Variants in CNTN5 observed in about 807,000 individuals in gnomAD.
CNTN5 encodes the protein contactin-5.
In CNTN5, 77 loss-of-function variants were observed where a neutral mutation model predicts 129.1. That is an observed-to-expected ratio of 0.60 (90% CI 0.50 to 0.72). CNTN5 has a LOEUF of 0.72. Among genes scored for constraint, CNTN5 ranks in the 30% least tolerant of loss-of-function variants. CNTN5 has a pLI of 0.00. For missense variants in CNTN5, 1,478 were observed against 1,328.8 expected, an observed-to-expected ratio of 1.11 and a Z score of -1.75; for synonymous variants, 509 against 465.6, an observed-to-expected ratio of 1.09 and a Z score of -1.20.
At chr11:100,169,909 A>C (rs1024036181) in intron 13 of CNTN5, among the ~76,000 whole-genome samples, 1 of 151,892 alleles carries the variant, frequency 6.6e-6, no homozygotes, top group Non-Finnish European at 1.5e-5. Context: ...TTCTAGTCTC[A>C]TGACCTTTTT....
intron 2 of CNTN5, among the ~76,000 whole-genome samples, chr11:99,485,660 T>G (rs1004015416): frequency 1.3e-5 from 2 of 152,010 alleles, no homozygotes; most frequent in Non-Finnish European, 2.9e-5. Flanking sequence ...AAAATGAGAT[T>G]TTCTCTGTTT....
intron 4 of CNTN5, among the ~76,000 whole-genome samples, chr11:99,835,693 T>C (rs892044822): frequency 6.6e-6 from 1 of 152,188 alleles, no homozygotes; most frequent in Non-Finnish European, 1.5e-5. Flanking sequence ...TATGGCCATG[T>C]GAAGAAGGCT....
At chr11:100,285,806 G>T (rs541922466) in intron 18 of CNTN5, among the ~76,000 whole-genome samples, 3 of 152,180 alleles carry the variant, frequency 2.0e-5, no homozygotes, top group South Asian at 4.1e-4. Context: ...CGTGAGCGAC[G>T]CAGAAGACGG....
At chr11:99,644,963 G>T (rs1238827623) in intron 3 of CNTN5, among the ~76,000 whole-genome samples, 1 of 151,450 alleles carries the variant, frequency 6.6e-6, no homozygotes, top group Non-Finnish European at 1.5e-5. Flanking sequence ...CAAACAAAAA[G>T]ATATGAAAAA....
chr11:100,088,996 A>C (rs1944655013), intron 13 of CNTN5, among the ~76,000 whole-genome samples: 1 of 152,116 alleles, frequency 6.6e-6, no homozygotes, highest in Non-Finnish European at 1.5e-5. Context: ...ATATACTAGC[A>C]AACCTAATCT....
chr11:99,568,029 G>C (rs1949063082), intron 3 of CNTN5, among the ~76,000 whole-genome samples: 1 of 152,180 alleles, frequency 6.6e-6, no homozygotes, highest in African/African-American at 2.4e-5. Flanking sequence ...GAGCAAATTT[G>C]TGTCTCAGTG....
chr11:99,717,064 T>C (rs748930090), intron 3 of CNTN5, among the ~76,000 whole-genome samples: 2 of 152,096 alleles, frequency 1.3e-5, no homozygotes, highest in Non-Finnish European at 2.9e-5. Context: ...CCTTTTGCTT[T>C]TTACTCTATA....
intron 3 of CNTN5, among the ~76,000 whole-genome samples, chr11:99,701,380 A>AT (rs960501520): frequency 6.6e-6 from 1 of 151,192 alleles, no homozygotes; most frequent in South Asian, 2.1e-4. Flanking sequence ...ATAACCATCT[A>AT]TTTTTTCAAT....
intron 13 of CNTN5, among the ~76,000 whole-genome samples, chr11:100,157,259 G>A (rs1034020683): frequency 3.3e-5 from 5 of 151,844 alleles, no homozygotes; most frequent in Non-Finnish European, 7.4e-5. Context: ...TACTGAAAGA[G>A]GAAAACATAT....
intron 3 of CNTN5, 159 bp from the exon 4 acceptor site, chr11:99,819,385 A>G: frequency 1.8e-6 from 1 of 561,044 alleles, no homozygotes; most frequent in South Asian, 2.3e-5. Flanking sequence ...ATATTAAAAA[A>G]TATAAAAGTA....
intron 8 of CNTN5, among the ~76,000 whole-genome samples, chr11:99,983,101 T>C (rs182125183): frequency 2.0e-5 from 3 of 149,614 alleles, no homozygotes; most frequent in Admixed American, 1.3e-4. Context: ...GTGAAAGAGA[T>C]AGACAAGTAA....
chr11:100,083,270 T>C (rs1944428449), intron 13 of CNTN5, among the ~76,000 whole-genome samples: 1 of 151,300 alleles, frequency 6.6e-6, no homozygotes, highest in African/African-American at 2.4e-5. Context: ...TAAGCTGATA[T>C]TGTACCACTG....
intron 10 of CNTN5, among the ~76,000 whole-genome samples, chr11:100,064,166 C>G (rs933854660): frequency 6.6e-6 from 1 of 152,082 alleles, no homozygotes; most frequent in Non-Finnish European, 1.5e-5. Context: ...TACAGACTAC[C>G]CATTTTATCC....
chr11:100,109,199 G>A (rs926140549), intron 13 of CNTN5, among the ~76,000 whole-genome samples: 23 of 152,154 alleles, frequency 1.5e-4, no homozygotes, highest in African/African-American at 4.6e-4. Context: ...AGGTCGAGGC[G>A]GATGGATCAC....
chr11:99,023,566 A>T (rs1416341387), intron 1 of CNTN5, among the ~76,000 whole-genome samples: 2 of 152,206 alleles, frequency 1.3e-5, no homozygotes, highest in African/African-American at 4.8e-5. Flanking sequence ...ACTTCTCTAG[A>T]TGGCTGTAAT....
chr11:100,203,627 T>A (rs1162891255), intron 15 of CNTN5, among the ~76,000 whole-genome samples: 1 of 151,998 alleles, frequency 6.6e-6, no homozygotes, highest in East Asian at 1.9e-4. Context: ...ATTTTGAATC[T>A]GTTGATTCCT....
intron 15 of CNTN5, among the ~76,000 whole-genome samples, chr11:100,203,773 C>G (rs1948841954): frequency 7.0e-6 from 1 of 143,572 alleles, no homozygotes; most frequent in African/African-American, 2.6e-5. Context: ...CCCTCCCCAT[C>G]CCATCCAATT....
chr11:99,303,912 A>G (rs1246283356), intron 1 of CNTN5, among the ~76,000 whole-genome samples: 1 of 152,086 alleles, frequency 6.6e-6, no homozygotes, highest in Non-Finnish European at 1.5e-5. Flanking sequence ...AATAAGCAAC[A>G]TATTTGTGGA....
intron 1 of CNTN5, among the ~76,000 whole-genome samples, chr11:99,235,337 T>C (rs1241991296): frequency 1.3e-5 from 2 of 152,154 alleles, no homozygotes; most frequent in Admixed American, 6.5e-5. Context: ...CTAAACATTA[T>C]ACTTTATCCT....
Sources: allele counts gnomAD v4.1 joint callset (sites outside exome capture counted in the v4.1 genomes callset), GRCh38; gene constraint gnomAD v4.1.1; transcripts MANE v1.5; gene names NCBI Gene and HGNC (gene_info 2026-07-23, HGNC 2026-07-21).